The following BNIP3 variants were observed in gnomAD, a reference collection of about 807,000 sequenced individuals.
BNIP3 encodes the protein BCL2 interacting protein 3, also known as BCL2/adenovirus E1B 19 kDa protein-interacting protein 3.
BNIP3 carries 16 observed loss-of-function variants against 23.9 expected under a neutral mutation model. The ratio of observed to expected loss-of-function variants is 0.67; its 90% confidence interval spans 0.45 to 1.01. The LOEUF (loss-of-function observed/expected upper bound fraction) is 1.01, where lower values mean the gene tolerates loss of function less well. BNIP3 is among the 50% of genes least tolerant of loss of function. The pLI, the probability that BNIP3 is intolerant of heterozygous loss-of-function variation, is 0.00. For synonymous variants in BNIP3, 81 were observed against 89.3 expected (o/e 0.91, Z 0.53); for missense variants, 198 against 248.7 (o/e 0.80, Z 1.37).
Position 131,973,890 on chromosome 10 carries a change from C to G in BNIP3, c.100G>C (p.Ala34Pro). 1.9e-6 allele frequency: 3 copies of G among 1,613,448 alleles called. No homozygotes were observed. Among genetic ancestry groups the G allele is most frequent in the Non-Finnish European group, 2.5e-6 (3 of 1,180,048 alleles). ...TCTCCATTATAAATAGAAACCGAGG[C>G]TGGAACGCTGCCCCCGTTCCCATTA... The part of the protein sequence containing the change: ...SNNGNGGSVP[A>P]SVSIYNGDME... The change falls in exon 2 of 6, where the codon GCC becomes CCC. Residue 34 changes from alanine to proline, a missense_variant. By Grantham distance (27) the Ala-to-Pro change is conservative (BLOSUM62 -1). Coordinates refer to ENST00000368636, the MANE Select transcript of BNIP3 (RefSeq NM_004052.4).
chr10:131,979,278 C>T (rs1380595632), intron 1 of BNIP3, among the ~76,000 whole-genome samples: 2 of 152,234 alleles, frequency 1.3e-5, no homozygotes, highest in African/African-American at 4.8e-5. Context: ...GGTCTCAAAG[C>T]ACACAATGCT....
intron 1 of BNIP3, 40 bp downstream of exon 1, chr10:131,981,721 C>CA: frequency 6.9e-7 from 1 of 1,454,586 alleles, no homozygotes; most frequent in Non-Finnish European, 9.0e-7. Context: ...GGCTTCCCCC[C>CA]CGCGCCCCCT....
Position 131,970,924 on chromosome 10 carries a change from A to T in BNIP3, c.329T>A (p.Leu110Ter). The change falls in exon 4 of 6, where the codon TTG becomes TAG. Residue 110 changes from leucine (L) to a stop codon, truncating the protein, a stop_gained. Transcript: ENST00000368636. LOFTEE classifies it high-confidence loss of function. This position sits in a 1 kb window ranked among gnomAD's most constrained non-coding sequence, Gnocchi z 4.1. Reference protein sequence around the residue: ...IERRKEVESILKKNSDWIWDW... With the variant: ...IERRKEVESI The stretch of plus-strand genomic sequence containing the variant: ...CCATATCCAATCTGAGTTTTTCTTC[A>T]AGATGCTTTCAACTTCTTTCCTTCT... The T allele has an allele frequency of 6.2e-7, 1 of 1,614,236 alleles. No individual in the cohort carries two copies. Among genetic ancestry groups the T allele is most frequent in the Non-Finnish European group, 8.5e-7 (1 of 1,180,056 alleles).
At chr10:131,973,605 G>A (rs1421049085) in intron 2 of BNIP3, 188 bp downstream of exon 2, 1 of 706,248 alleles carries the variant, frequency 1.4e-6, no homozygotes. Context: ...TAAGTCCCAG[G>A]TCACTGCATC....
At chr10:131,971,683 C>G (rs2037035210) in intron 3 of BNIP3, 1 of 152,362 alleles carries the variant, frequency 6.6e-6, no homozygotes, top group South Asian at 2.1e-4. Context: ...TGAAAATACT[C>G]AAGAATATAG....
At chr10:131,974,295 T>A (rs1327272046) in intron 1 of BNIP3, among the ~76,000 whole-genome samples, 1 of 152,190 alleles carries the variant, frequency 6.6e-6, no homozygotes, top group Non-Finnish European at 1.5e-5. Flanking sequence ...AAGGCTATTA[T>A]TTGGAAAAAG....
intron 1 of BNIP3, chr10:131,980,174 G>C (rs1202223268): frequency 6.6e-6 from 1 of 152,264 alleles, no homozygotes. Context: ...AGCAGCCTGT[G>C]TAAGTTACAT....
At chr10:131,977,199 G>C (rs572132439) in intron 1 of BNIP3, among the ~76,000 whole-genome samples, 37 of 152,196 alleles carry the variant, frequency 2.4e-4, no homozygotes, top group African/African-American at 8.7e-4. Flanking sequence ...AACCTGAGAG[G>C]GGGAGGTTGC....
rs745963364 is a variant in BNIP3, at chr10:131,970,804, C to T, written c.390-17G>A. ...AGGAACTCCCTGAGGCGGGAAGAAACGTGTCAGCTGATGTGTCCTCTGTCA... is the reference window on the plus strand; with the variant it reads ...AGGAACTCCCTGAGGCGGGAAGAAATGTGTCAGCTGATGTGTCCTCTGTCA... On this transcript the variant is annotated splice_polypyrimidine_tract_variant and intron_variant, in intron 4 of 5. Coordinates refer to ENST00000368636, the MANE Select transcript of BNIP3 (RefSeq NM_004052.4). This position sits in a 1 kb window ranked among gnomAD's most constrained non-coding sequence, Gnocchi z 4.1. 1.1e-5 allele frequency: 18 copies of T among 1,614,208 alleles called. No individual in the cohort carries two copies. In the East Asian group the frequency reaches 2.5e-4, roughly 22 times the overall value.
chr10:131,971,007 C>T, intron 3 of BNIP3, 37 bp from the exon 4 acceptor site: 1 of 1,585,470 alleles, frequency 6.3e-7, no homozygotes, highest in Non-Finnish European at 8.6e-7. Flanking sequence ...GATCAGTGTA[C>T]CACACGTGAC....
chr10:131,972,457 G>C (rs1211864373), intron 3 of BNIP3, among the ~76,000 whole-genome samples: 1 of 152,180 alleles, frequency 6.6e-6, no homozygotes, highest in South Asian at 2.1e-4. Context: ...ATGCTACACT[G>C]CTCCGGCACC....
At chr10:131,981,719 C>T (rs2037120430) in intron 1 of BNIP3, 42 bp downstream of exon 1, 3 of 1,462,238 alleles carry the variant, frequency 2.1e-6, no homozygotes, top group East Asian at 3.0e-5. Flanking sequence ...CAGGCTTCCC[C>T]CCCGCGCCCC....
chr10:131,973,666 T>A, intron 2 of BNIP3, 127 bp downstream of exon 2: 1 of 1,349,072 alleles, frequency 7.4e-7, no homozygotes, highest in South Asian at 1.4e-5. Flanking sequence ...CAGGAGCCAG[T>A]CCAGAACGCG....
At chr10:131,977,202 G>A (rs1198402240) in intron 1 of BNIP3, among the ~76,000 whole-genome samples, 2 of 152,088 alleles carry the variant, frequency 1.3e-5, no homozygotes, top group Non-Finnish European at 2.9e-5. Context: ...CTGAGAGGGG[G>A]AGGTTGCAGT....
chr10:131,977,404 G>C (rs1446539479), intron 1 of BNIP3, among the ~76,000 whole-genome samples: 3 of 152,196 alleles, frequency 2.0e-5, no homozygotes, highest in Admixed American at 6.5e-5. Context: ...AACAGGGAGA[G>C]GAAGATGAAG....
intron 3 of BNIP3, 91 bp from the exon 4 acceptor site, chr10:131,971,061 C>T: frequency 2.5e-6 from 3 of 1,193,574 alleles, no homozygotes; most frequent in Non-Finnish European, 3.6e-6. Flanking sequence ...GATCCGCAGG[C>T]TCAATTCAAG....
chr10:131,977,714 G>A (rs1453414025), intron 1 of BNIP3, among the ~76,000 whole-genome samples: 3 of 152,126 alleles, frequency 2.0e-5, no homozygotes, highest in Non-Finnish European at 2.9e-5. Context: ...GCAACATGGA[G>A]GAACACATTC....
In BNIP3 at chr10:131,981,862, T is replaced by G. The variant is rs1589978815; in HGVS notation, c.-56A>C. 2 of 1,395,484 alleles carry G rather than the reference T, an allele frequency of 1.4e-6. No individual in the cohort carries two copies. The highest frequency in any genetic ancestry group is 6.1e-5 in the East Asian group (2 of 32,702). The allele number at this position is 1,395,484 out of a possible 1,614,324, so 86.4% of individuals were successfully genotyped here. On this transcript the variant is annotated 5_prime_UTR_variant, in exon 1 of 6. Transcript: ENST00000368636. ...TCCGCGCCGGGCTGCGGGATGTGCT[T>G]CAGCTGCGGGCGGTGGGAAAGCGGA...
intron 3 of BNIP3, 51 bp from the exon 4 acceptor site, chr10:131,971,021 G>T: frequency 6.5e-7 from 1 of 1,544,538 alleles, no homozygotes; most frequent in Non-Finnish European, 8.9e-7. Context: ...ACGTGACACG[G>T]GAAAGCACCC....
Sources: gnomAD v4.1 joint callset for allele counts (sites outside exome capture counted in the v4.1 genomes callset) on GRCh38, gnomAD v4.1.1 for gene constraint, Gnocchi (gnomAD v3.1) non-coding constraint, MANE v1.5 for transcripts, NCBI Gene and HGNC (gene_info 2026-07-23, HGNC 2026-07-21) for gene names.